EPHA6: variants seen among roughly 807,000 people sequenced by gnomAD.
EPHA6 encodes the protein EPH receptor A6.
In EPHA6, 50 loss-of-function variants were observed where a neutral mutation model predicts 112.0. That is an observed-to-expected ratio of 0.45 (90% CI 0.36 to 0.56). The LOEUF (loss-of-function observed/expected upper bound fraction) is 0.56. Ranked by LOEUF, EPHA6 falls within the 20% of genes least tolerant of loss-of-function variation. EPHA6 has a pLI of 0.00. For missense variants in EPHA6, 1,280 were observed against 1,417.4 expected (o/e 0.90, Z 1.56); for synonymous variants, 529 against 490.7 (o/e 1.08, Z -1.03).
intron 3 of EPHA6, among the ~76,000 whole-genome samples, chr3:96,997,385 G>T (rs981653156): frequency 6.6e-5 from 10 of 151,950 alleles, no homozygotes; most frequent in African/African-American, 9.7e-5. Context: ...AGCTTTCAAG[G>T]CCTTCCTCAC....
At chr3:97,509,303 T>C (rs1444894875) in intron 10 of EPHA6, among the ~76,000 whole-genome samples, 1 of 152,134 alleles carries the variant, frequency 6.6e-6, no homozygotes, top group Non-Finnish European at 1.5e-5. Flanking sequence ...CAATTTGGCA[T>C]GTTTTTGCAG....
chr3:97,062,493 C>T (rs1471904588), intron 3 of EPHA6, among the ~76,000 whole-genome samples: 1 of 152,110 alleles, frequency 6.6e-6, no homozygotes, highest in Non-Finnish European at 1.5e-5. Context: ...AAGAAAAAAG[C>T]CAATAATCCT....
intron 2 of EPHA6, among the ~76,000 whole-genome samples, chr3:96,940,912 T>C (rs1263422313): frequency 1.3e-5 from 2 of 152,246 alleles, no homozygotes; most frequent in African/African-American, 4.8e-5. Flanking sequence ...TCTTTAAGAA[T>C]GTTGGATATT....
chr3:97,234,825 A>G (rs1325454035), intron 4 of EPHA6, among the ~76,000 whole-genome samples: 1 of 152,050 alleles, frequency 6.6e-6, no homozygotes, highest in Non-Finnish European at 1.5e-5. Flanking sequence ...ATTTTTATCC[A>G]TATCTCAGTC....
intron 5 of EPHA6, among the ~76,000 whole-genome samples, chr3:97,339,096 T>C (rs1397873672): frequency 3.9e-5 from 6 of 152,186 alleles, no homozygotes; most frequent in Non-Finnish European, 1.5e-5. Context: ...GATTTATTGA[T>C]CTTTGATTGT....
chr3:97,162,051 A>T (rs2076427863), intron 3 of EPHA6, among the ~76,000 whole-genome samples: 1 of 152,192 alleles, frequency 6.6e-6, no homozygotes, highest in South Asian at 2.1e-4. Context: ...TACAAGATGA[A>T]ACCACATCTG....
chr3:96,902,561 C>A (rs540198806), intron 2 of EPHA6, among the ~76,000 whole-genome samples: 1 of 152,190 alleles, frequency 6.6e-6, no homozygotes, highest in African/African-American at 2.4e-5. Context: ...ACCTTGGAAC[C>A]CATAGGCTGA....
At chr3:96,912,036 T>A (rs576531358) in intron 2 of EPHA6, among the ~76,000 whole-genome samples, 3 of 152,068 alleles carry the variant, frequency 2.0e-5, no homozygotes, top group Non-Finnish European at 4.4e-5. Flanking sequence ...TTGTTTTGAT[T>A]GGGATGGGGC....
intron 5 of EPHA6, among the ~76,000 whole-genome samples, chr3:97,327,263 A>G (rs993480644): frequency 6.6e-6 from 1 of 152,000 alleles, no homozygotes; most frequent in East Asian, 1.9e-4. Context: ...CATGAGTGCA[A>G]TTCTTATTTT....
At chr3:97,264,025 C>A (rs747376895) in intron 5 of EPHA6, among the ~76,000 whole-genome samples, 8 of 152,272 alleles carry the variant, frequency 5.3e-5, no homozygotes, top group Non-Finnish European at 7.4e-5. Context: ...CTGTAAAGAG[C>A]AAGATAGTAA....
intron 3 of EPHA6, among the ~76,000 whole-genome samples, chr3:97,106,482 A>C (rs925275532): frequency 2.6e-5 from 4 of 152,000 alleles, no homozygotes; most frequent in Non-Finnish European, 5.9e-5. Flanking sequence ...GCCGCTGAGC[A>C]GCCTGACTCC....
intron 5 of EPHA6, among the ~76,000 whole-genome samples, chr3:97,287,960 G>T (rs2080531229): frequency 6.6e-6 from 1 of 151,798 alleles, no homozygotes; most frequent in Non-Finnish European, 1.5e-5. Flanking sequence ...CAATTTTTGG[G>T]AATACTTTGA....
intron 12 of EPHA6, among the ~76,000 whole-genome samples, chr3:97,598,728 G>C (rs899009251): frequency 6.6e-6 from 1 of 150,844 alleles, no homozygotes; most frequent in Non-Finnish European, 1.5e-5. Flanking sequence ...ATAAACATAC[G>C]TGTGCATGTG....
At chr3:96,912,908 T>A (rs72916430) in intron 2 of EPHA6, among the ~76,000 whole-genome samples, 39,605 of 151,732 alleles carry the variant, frequency 0.26, 9,785 homozygotes, top group African/African-American at 0.63. Flanking sequence ...AGACATATTC[T>A]CAAGTCCATA....
At chr3:96,895,830 T>C (rs1386560354) in intron 2 of EPHA6, among the ~76,000 whole-genome samples, 1 of 152,180 alleles carries the variant, frequency 6.6e-6, no homozygotes, top group East Asian at 1.9e-4. Flanking sequence ...CCATCTTTCC[T>C]CCGTGTATAT....
At position 97,648,380 on chromosome 3, in the gene EPHA6, A is replaced by C. The variant is rs376450022; in HGVS notation, c.2784+10298A>C. On this transcript the variant is annotated intron_variant, in intron 14 of 17. Transcript: ENST00000389672. ...GTCGGTCTAAGAAGACATAGCCTAC[A>C]CCCAACTGGAGATAATTATAAAAAA... 25 of 1,520,178 alleles carry C rather than the reference A, an allele frequency of 1.6e-5. No individual in the cohort carries two copies. In the African/African-American group the frequency reaches 3.6e-4, roughly 22 times the overall value. 94.2% of individuals were successfully genotyped at this position (1,520,178 alleles called of 1,614,324 possible). A position where few individuals can be genotyped will look rare whatever the true frequency, so the allele number is the denominator to read the frequency against.
At chr3:97,344,547 T>C (rs2083448628) in intron 5 of EPHA6, among the ~76,000 whole-genome samples, 2 of 152,104 alleles carry the variant, frequency 1.3e-5, no homozygotes, top group African/African-American at 4.8e-5. Flanking sequence ...AGGAAGAGCA[T>C]TCTTACTGGA....
chr3:97,165,381 AC>A (rs1269392065), intron 3 of EPHA6, among the ~76,000 whole-genome samples: 3 of 152,314 alleles, frequency 2.0e-5, no homozygotes, highest in Admixed American at 2.0e-4. Flanking sequence ...TAAACAGTAT[AC>A]CTTCTGCAAA....
intron 5 of EPHA6, among the ~76,000 whole-genome samples, chr3:97,258,257 C>T (rs1447448807): frequency 1.3e-5 from 2 of 151,450 alleles, no homozygotes; most frequent in Admixed American, 6.6e-5. Context: ...TATATACACA[C>T]ACACACACAC....
Sources: gnomAD v4.1 joint callset for allele counts (sites outside exome capture counted in the v4.1 genomes callset) on GRCh38, gnomAD v4.1.1 for gene constraint, MANE v1.5 for transcripts, NCBI Gene and HGNC (gene_info 2026-07-23, HGNC 2026-07-21) for gene names.